Variants in GPHN observed in about 807,000 individuals in gnomAD.
GPHN encodes gephyrin.
A neutral mutation model predicts 95.5 loss-of-function variants in GPHN; 17 were observed. The observed-to-expected ratio is 0.18, with a 90% CI of 0.12 to 0.27. GPHN has a LOEUF of 0.27. Among genes scored for constraint, GPHN ranks in the 10% least tolerant of loss-of-function variants. The pLI is 1.00. For missense variants in GPHN, 660 were observed against 978.1 expected (o/e 0.67, Z 4.34); for synonymous variants, 320 against 322.5 (o/e 0.99, Z 0.08).
the GPHN span, among the ~76,000 whole-genome samples, chr14:67,665,538 A>T: frequency 0.028 from 4,259 of 152,098 alleles, 214 homozygotes; most frequent in African/African-American, 0.098. Flanking sequence ...AAGTGTTGGG[A>T]CTACAGGTGT....
the GPHN span, among the ~76,000 whole-genome samples, chr14:67,524,053 C>G: frequency 1.3e-5 from 2 of 152,010 alleles, no homozygotes; most frequent in Admixed American, 6.6e-5. Context: ...AGGAACTGGC[C>G]GCTCAGAGAC....
chr14:66,813,952 G>A (rs1196598664), intron 3 of GPHN, among the ~76,000 whole-genome samples: 1 of 152,120 alleles, frequency 6.6e-6, no homozygotes, highest in East Asian at 1.9e-4. Context: ...GCATCCCTAT[G>A]GCCACGCACC....
At chr14:67,058,818 T>G (rs781474063) in intron 11 of GPHN, 32 bp downstream of exon 11, 5 of 1,596,166 alleles carry the variant, frequency 3.1e-6, no homozygotes, top group Admixed American at 3.3e-5. Flanking sequence ...GCCCTTTCTT[T>G]TCTTCATTTT....
the GPHN span, chr14:67,388,145 A>G: frequency 6.3e-5 from 57 of 898,100 alleles, no homozygotes; most frequent in Middle Eastern, 7.1e-4. Flanking sequence ...CAAAGCTGTC[A>G]TTTCATTAGT....
intron 17 of GPHN, among the ~76,000 whole-genome samples, chr14:67,137,163 TGAG>T (rs2080132179): frequency 6.8e-6 from 1 of 147,636 alleles, no homozygotes. Flanking sequence ...CTTTTTTTTT[TGAG>T]AAGGATTCTT....
In GPHN at chr14:67,180,995, T is replaced by C. The variant is rs1027467618; in HGVS notation, c.*58T>C. ...TCCACATATCATTGACTGTATCCTGTAATATGCAACGGCACAGCTAGTTTT... is the reference window on the plus strand; with the variant it reads ...TCCACATATCATTGACTGTATCCTGCAATATGCAACGGCACAGCTAGTTTT... On this transcript the variant is annotated 3_prime_UTR_variant, in exon 23 of 23. Coordinates refer to ENST00000478722, the MANE Select transcript of GPHN (RefSeq NM_020806.5). 6.4e-6 allele frequency: 10 copies of C among 1,557,596 alleles called. No individual in the cohort carries two copies. In the Admixed American group the frequency reaches 8.4e-5, roughly 13 times the overall value.
chr14:66,879,611 A>AGGTAAG (rs2063833579), intron 4 of GPHN, among the ~76,000 whole-genome samples: 2 of 152,128 alleles, frequency 1.3e-5, no homozygotes, highest in Non-Finnish European at 2.9e-5. Context: ...CTGGTGAGAA[A>AGGTAAG]TCTACTAAGT....
chr14:66,975,604 G>A (rs189045218), intron 9 of GPHN, among the ~76,000 whole-genome samples: 4 of 152,180 alleles, frequency 2.6e-5, no homozygotes, highest in Admixed American at 1.3e-4. Flanking sequence ...TGAGGGCTGG[G>A]CACAGTGGCT....
chr14:67,428,145 C>T, the GPHN span, among the ~76,000 whole-genome samples: 1 of 152,104 alleles, frequency 6.6e-6, no homozygotes, highest in Non-Finnish European at 1.5e-5. Flanking sequence ...TGTCAAACAC[C>T]TGACCTCAAG....
intron 11 of GPHN, among the ~76,000 whole-genome samples, chr14:67,075,554 G>A (rs1294544932): frequency 6.6e-6 from 1 of 152,132 alleles, no homozygotes; most frequent in Admixed American, 6.6e-5. Context: ...GTGGATCTGA[G>A]CAAAGTAAAT....
At chr14:67,573,267 A>G in the GPHN span, 1 of 1,576,424 alleles carries the variant, frequency 6.3e-7, no homozygotes, top group East Asian at 2.2e-5. This position sits in a 1 kb window ranked among gnomAD's most constrained non-coding sequence, Gnocchi z 4.8. Context: ...ACACCCTTCC[A>G]CCCCTCAGGA....
chr14:67,013,087 A>G (rs911547480), intron 9 of GPHN, among the ~76,000 whole-genome samples: 1 of 152,118 alleles, frequency 6.6e-6, no homozygotes, highest in Non-Finnish European at 1.5e-5. Context: ...GCACCTAGAT[A>G]AGAGCCTGGC....
intron 4 of GPHN, among the ~76,000 whole-genome samples, chr14:66,868,750 C>A (rs1291432730): frequency 6.6e-6 from 1 of 152,016 alleles, no homozygotes; most frequent in Non-Finnish European, 1.5e-5. Flanking sequence ...TTTTTAAGGT[C>A]ATTTTTCCTA....
the GPHN span, chr14:67,555,815 G>A: frequency 3.1e-6 from 5 of 1,613,066 alleles, no homozygotes; most frequent in Non-Finnish European, 4.2e-6. Flanking sequence ...CTTTCTCTCT[G>A]GCCAAGCAGA....
intron 2 of GPHN, among the ~76,000 whole-genome samples, chr14:66,697,100 A>G (rs1402915610): frequency 1.3e-5 from 2 of 152,182 alleles, no homozygotes; most frequent in Admixed American, 6.5e-5. Flanking sequence ...CTTTACTCCT[A>G]TATTTGTCCC....
At chr14:67,726,190 A>C in the GPHN span, 4 of 1,200,762 alleles carry the variant, frequency 3.3e-6, no homozygotes, top group South Asian at 4.8e-5. Flanking sequence ...AATGAGGTAC[A>C]CCCACTATCT....
chr14:66,899,941 A>G (rs2065047535), intron 5 of GPHN, among the ~76,000 whole-genome samples: 1 of 151,852 alleles, frequency 6.6e-6, no homozygotes, highest in Non-Finnish European at 1.5e-5. Context: ...AATTTTCTTA[A>G]AAGTTACAGG....
chr14:67,361,413 C>T, the GPHN span, among the ~76,000 whole-genome samples: 1 of 152,132 alleles, frequency 6.6e-6, no homozygotes, highest in Non-Finnish European at 1.5e-5. Flanking sequence ...TGTAGAGATT[C>T]GGTGATAACT....
At chr14:66,648,844 T>C (rs1210034594) in intron 1 of GPHN, among the ~76,000 whole-genome samples, 1 of 152,176 alleles carries the variant, frequency 6.6e-6, no homozygotes, top group African/African-American at 2.4e-5. Flanking sequence ...TAGTTACTCA[T>C]CACATAAAAA....
Sources: allele counts gnomAD v4.1 joint callset (sites outside exome capture counted in the v4.1 genomes callset), GRCh38; gene constraint gnomAD v4.1.1; non-coding constraint Gnocchi (gnomAD v3.1); transcripts MANE v1.5; gene names NCBI Gene and HGNC (gene_info 2026-07-23, HGNC 2026-07-21).